TTC28: variants seen among roughly 807,000 people sequenced by gnomAD.
The protein encoded by TTC28 is tetratricopeptide repeat protein 28.
A neutral mutation model predicts 198.0 loss-of-function variants in TTC28; 61 were observed. The ratio of observed to expected loss-of-function variants is 0.31; its 90% CI spans 0.25 to 0.38. The LOEUF (loss-of-function observed/expected upper bound fraction) is 0.38. TTC28 is among the 10% of genes least tolerant of loss of function. The pLI is 1.00. For synonymous variants in TTC28, 1,171 were observed against 1,297.8 expected (o/e 0.90, Z 2.10); for missense variants, 2,678 against 3,164.0 (o/e 0.85, Z 3.69).
intron 5 of TTC28, among the ~76,000 whole-genome samples, chr22:28,260,632 A>G (rs1242226390): frequency 6.6e-6 from 1 of 152,198 alleles, no homozygotes; most frequent in Non-Finnish European, 1.5e-5. Flanking sequence ...AAACTTTGCA[A>G]AACAAAACAA....
intron 2 of TTC28, among the ~76,000 whole-genome samples, chr22:28,524,779 A>G (rs188730847): frequency 3.4e-4 from 52 of 152,352 alleles, no homozygotes; most frequent in Non-Finnish European, 5.9e-4. Context: ...TGTCAAATGC[A>G]CAGTAAAACA....
intron 13 of TTC28, among the ~76,000 whole-genome samples, chr22:28,018,222 C>A (rs2146594231): frequency 7.2e-6 from 1 of 138,360 alleles, no homozygotes; most frequent in Non-Finnish European, 1.5e-5. Context: ...TGAGAATACT[C>A]CTCTGATCTG....
chr22:28,127,113 T>A (rs1942935479), intron 6 of TTC28, among the ~76,000 whole-genome samples: 1 of 152,170 alleles, frequency 6.6e-6, no homozygotes, highest in Non-Finnish European at 1.5e-5. Flanking sequence ...CTATAACCAT[T>A]GCAAAGTCAG....
intron 2 of TTC28, among the ~76,000 whole-genome samples, chr22:28,496,328 TCTTAAA>T (rs1418882223): frequency 6.6e-6 from 1 of 152,194 alleles, no homozygotes; most frequent in East Asian, 1.9e-4. Flanking sequence ...CTAATAAATA[TCTTAAA>T]CTTAACATGT....
At chr22:28,558,141 T>C (rs1398881986) in intron 2 of TTC28, among the ~76,000 whole-genome samples, 1 of 152,248 alleles carries the variant, frequency 6.6e-6, no homozygotes, top group African/African-American at 2.4e-5. Flanking sequence ...TAACCTAACT[T>C]GTCTGTTATT....
intron 1 of TTC28, among the ~76,000 whole-genome samples, chr22:28,649,943 T>C (rs2051539498): frequency 6.6e-6 from 1 of 152,200 alleles, no homozygotes; most frequent in African/African-American, 2.4e-5. Context: ...CTGAACTTAT[T>C]GGTACTGTCA....
intron 2 of TTC28, among the ~76,000 whole-genome samples, chr22:28,556,513 ACTCT>A (rs2049788961): frequency 1.3e-5 from 2 of 152,128 alleles, no homozygotes; most frequent in South Asian, 2.1e-4. Context: ...AAGTGTTGTT[ACTCT>A]CTAAGTAATC....
chr22:28,008,947 G>A (rs1431159665), intron 14 of TTC28, among the ~76,000 whole-genome samples: 1 of 152,214 alleles, frequency 6.6e-6, no homozygotes, highest in African/African-American at 2.4e-5. Flanking sequence ...AGAGACATGG[G>A]TTACTATCCT....
intron 2 of TTC28, among the ~76,000 whole-genome samples, chr22:28,363,600 C>T (rs540767455): frequency 6.6e-6 from 1 of 152,296 alleles, no homozygotes; most frequent in Admixed American, 6.5e-5. Context: ...TGACAGCTTG[C>T]ACCATGCACC....
chr22:28,292,430 T>C (rs1039444448), intron 5 of TTC28, among the ~76,000 whole-genome samples: 9 of 152,138 alleles, frequency 5.9e-5, no homozygotes, highest in Non-Finnish European at 1.3e-4. Flanking sequence ...TCCAGTAATC[T>C]GCCCACCTCG....
At chr22:28,514,228 T>C (rs2048740079) in intron 2 of TTC28, among the ~76,000 whole-genome samples, 1 of 152,220 alleles carries the variant, frequency 6.6e-6, no homozygotes, top group African/African-American at 2.4e-5. Flanking sequence ...TCTTAAATAA[T>C]AGTAATGAGA....
intron 2 of TTC28, among the ~76,000 whole-genome samples, chr22:28,531,630 T>C (rs1282039597): frequency 6.6e-6 from 1 of 152,124 alleles, no homozygotes; most frequent in East Asian, 1.9e-4. Flanking sequence ...CACATCACAC[T>C]TATTCCAAAA....
intron 5 of TTC28, among the ~76,000 whole-genome samples, chr22:28,197,028 C>T (rs1448966324): frequency 2.0e-5 from 3 of 151,998 alleles, no homozygotes; most frequent in Non-Finnish European, 2.9e-5. Context: ...ACCCAAATGT[C>T]CAACAATGAT....
At chr22:28,117,579 GGACCTACACA>G (rs1942666366) in intron 6 of TTC28, among the ~76,000 whole-genome samples, 1 of 151,394 alleles carries the variant, frequency 6.6e-6, no homozygotes, top group Non-Finnish European at 1.5e-5. Flanking sequence ...AAATTACCTT[GGACCTACACA>G]GAATTGTGGG....
chr22:28,632,108 G>A (rs1288500566), intron 1 of TTC28, among the ~76,000 whole-genome samples: 2 of 151,854 alleles, frequency 1.3e-5, no homozygotes, highest in South Asian at 2.1e-4. Context: ...ATTCCCCAAA[G>A]AAAGGAAGAA....
chr22:28,073,050 T>C (rs1411535434), intron 12 of TTC28, among the ~76,000 whole-genome samples: 1 of 152,134 alleles, frequency 6.6e-6, no homozygotes, highest in Non-Finnish European at 1.5e-5. Context: ...CAGCCTGGCA[T>C]GGGAGAAAAG....
intron 5 of TTC28, among the ~76,000 whole-genome samples, chr22:28,223,976 T>G (rs1310025046): frequency 6.6e-6 from 1 of 152,220 alleles, no homozygotes; most frequent in African/African-American, 2.4e-5. Flanking sequence ...CTTTTCATCC[T>G]CTATAGCAAT....
At chr22:28,595,275 T>C (rs543019834) in intron 2 of TTC28, among the ~76,000 whole-genome samples, 129 of 152,278 alleles carry the variant, frequency 8.5e-4, no homozygotes, top group African/African-American at 2.9e-3. Flanking sequence ...TGTAGAAAAG[T>C]AAATGGCAAG....
At chr22:28,057,831 C>A (rs532686683) in intron 12 of TTC28, among the ~76,000 whole-genome samples, 3 of 152,194 alleles carry the variant, frequency 2.0e-5, no homozygotes, top group African/African-American at 7.2e-5. Context: ...GTTGTTCCAG[C>A]ATGATTTGTT....
Sources: gnomAD v4.1 joint callset for allele counts (sites outside exome capture counted in the v4.1 genomes callset) on GRCh38, gnomAD v4.1.1 for gene constraint, MANE v1.5 for transcripts, NCBI Gene and HGNC (gene_info 2026-07-23, HGNC 2026-07-21) for gene names.